Variants in CHTF18 observed in about 807,000 individuals in gnomAD.
CHTF18 encodes the protein chromosome transmission fidelity factor 18.
In CHTF18, 151 loss-of-function variants were observed where a neutral mutation model predicts 113.4. The observed-to-expected ratio is 1.33, with a 90% CI of 1.17 to 1.52. CHTF18 has a LOEUF of 1.52. Ranked by LOEUF, CHTF18 falls within the 40% of genes most tolerant of loss-of-function variation. The probability of loss-of-function intolerance (pLI) is 0.00; values close to 1 mark genes in which losing one functional copy is unlikely to be tolerated. For missense variants in CHTF18, 1,982 were observed against 1,381.6 expected (o/e 1.43, Z -6.89); for synonymous variants, 916 against 598.8 (o/e 1.53, Z -7.74).
intron 18 of CHTF18, chr16:796,516 A>T: frequency 1.6e-6 from 1 of 619,770 alleles, no homozygotes; most frequent in Non-Finnish European, 2.7e-6. Context: ...CATCCCACGT[A>T]CACTTGCAGT....
Position 789,297 on chromosome 16 carries a change from C to T in CHTF18, c.374C>T (p.Ser125Phe), listed in dbSNP as rs201869235. ...ATGGAGGAGCCGCCCCCTCCCGACTCCTCGCCGACGGACATCACCCCGCCG... is the reference window on the plus strand; with the variant it reads ...ATGGAGGAGCCGCCCCCTCCCGACTTCTCGCCGACGGACATCACCCCGCCG... ...EEMEEPPPPD[S>F]SPTDITPPPS... The change falls in exon 3 of 22, where the codon TCC (serine) becomes TTC (phenylalanine). Residue 125 changes from serine to phenylalanine, a missense_variant. Transcript: ENST00000262315. 1.2e-3 allele frequency: 1,991 copies of T among 1,593,476 alleles called. 9 individuals carry two copies. The highest frequency in any genetic ancestry group is 6.2e-3 in the South Asian group (544 of 88,016).
chr16:795,976 A>G lies in CHTF18; in HGVS notation c.2355A>G (p.Glu785=), dbSNP rs372993174. The G allele has an allele frequency of 1.9e-6, 3 of 1,609,566 alleles. No individual in the cohort carries two copies. Among genetic ancestry groups the G allele is most frequent in the African/African-American group, 2.7e-5 (2 of 74,832 alleles). ...PVSTQLYSTR[E]KQQLASLVGT... is the part of the protein sequence containing the mutation. ...GCACACAGCTGTACAGCACCCGTGA[A>G]AAGCAACAGCTGGCCAGCCTGGTGG... The change falls in exon 18 of 22, where the codon GAA becomes GAG. Residue 785 remains glutamate (E), a synonymous_variant. Transcript: ENST00000262315.
chr16:792,526 G>C lies in CHTF18; in HGVS notation c.1414G>C (p.Gly472Arg). 1.3e-6 allele frequency: 2 copies of C among 1,594,312 alleles called. No individual in the cohort carries two copies. The highest frequency in any genetic ancestry group is 1.7e-6 in the Non-Finnish European group (2 of 1,174,122). Residue 472 changes from glycine (G) to arginine (R), a missense_variant, in exon 11 of 22, where the codon GGC becomes CGC. Physicochemically the swap from Gly to Arg is moderately radical, Grantham distance 125. Transcript: ENST00000262315. ...PQGPAVPSGG[G>R]RRRRAEGGLL... ...GGGCCCGGCTGTGCCTTCGGGAGGC[G>C]GCCGACGGCGCCGGGCAGAGGGGGG...
Position 790,686 on chromosome 16 carries a change from C to T in CHTF18, c.894+20C>T, listed in dbSNP as rs748209340. On this transcript the variant is annotated intron_variant, in intron 7 of 21. Transcript: ENST00000262315. ...GATGACGTGAGGTCTTGTTCTCACT[C>T]AAGTGTGGCTGGCTTCCTCTGTTCC... The T allele has an allele frequency of 6.6e-6, 10 of 1,516,500 alleles. No individual in the cohort carries two copies. The African/African-American group carries it at 8.4e-5, about 13-fold the overall frequency. The allele number at this position is 1,516,500 out of a possible 1,614,324, so 93.9% of individuals were successfully genotyped here.
intron 14 of CHTF18, chr16:793,718 C>G (rs116197382): frequency 1.6e-6 from 1 of 639,602 alleles, no homozygotes; most frequent in East Asian, 3.1e-5. Context: ...CTGGCCTGGT[C>G]GTGCTGCAGG....
Position 792,240 on chromosome 16 carries a change from G to C in CHTF18, c.1219G>C (p.Glu407Gln). Reference protein sequence around the residue: ...EMNASDDRSPEVFRTRIEAAT... With the variant: ...EMNASDDRSPQVFRTRIEAAT... ...CCATTGCAGTGACGACCGTAGCCCG[G>C]AGGTCTTCCGCACACGCATCGAGGC... is the stretch of plus-strand genomic sequence containing the variant. Residue 407 changes from glutamate (E) to glutamine (Q), a missense_variant, in exon 10 of 22, where the codon GAG (glutamate) becomes CAG (glutamine). Physicochemically the swap from Glu to Gln is conservative, Grantham distance 29. Coordinates refer to ENST00000262315, the MANE Select transcript of CHTF18 (RefSeq NM_022092.3). 1.9e-6 allele frequency: 3 copies of C among 1,569,074 alleles called. No individual in the cohort carries two copies. The highest frequency in any genetic ancestry group is 2.6e-6 in the Non-Finnish European group (3 of 1,158,190).
Position 796,096 on chromosome 16 carries a change from G to A in CHTF18, c.2456+19G>A. ...TGGAGCCGTGAGTCCCCCAGTGCCTGGGGTGTGCTCCAGGGTCATGCTCCC... is the reference window on the plus strand; with the variant it reads ...TGGAGCCGTGAGTCCCCCAGTGCCTAGGGTGTGCTCCAGGGTCATGCTCCC... On this transcript the variant is annotated intron_variant, in intron 18 of 21. Coordinates refer to ENST00000262315, the MANE Select transcript of CHTF18 (RefSeq NM_022092.3). 1 of 1,592,606 alleles carries A rather than the reference G, an allele frequency of 6.3e-7. No homozygotes were observed.
rs1383856228 is a variant in CHTF18 at position 788,995 on chromosome 16, C to G, written c.156C>G (p.Phe52Leu). ...LFTAGRPPRT[F>L]EEALARGDAA... ...CCGCGGGCCGACCCCCGCGGACGTT[C>G]GAGGAGGCCCTTGCCAGAGGGGACG... The change falls in exon 2 of 22, where the codon TTC (phenylalanine) becomes TTG (leucine). Residue 52 changes from phenylalanine (F) to leucine (L), a missense_variant. Coordinates refer to ENST00000262315, the MANE Select transcript of CHTF18 (RefSeq NM_022092.3). The G allele has an allele frequency of 1.3e-6, 2 of 1,560,416 alleles. No homozygotes were observed. Among genetic ancestry groups the G allele is most frequent in the African/African-American group, 1.4e-5 (1 of 73,086 alleles).
Position 793,016 on chromosome 16 carries a change from C to T in CHTF18, c.1623C>T (p.Leu541=). The change falls in exon 13 of 22, where the codon CTC becomes CTT. Residue 541 remains leucine, a synonymous_variant. Transcript: ENST00000262315. ...CCGACCCAGGGGTGCTGGCCGCCCTCTGTGAGAAAACTGACAATGACATCC... is the reference window on the plus strand; with the variant it reads ...CCGACCCAGGGGTGCTGGCCGCCCTTTGTGAGAAAACTGACAATGACATCC... ...MRADPGVLAA[L]CEKTDNDIRA... The T allele has an allele frequency of 6.5e-7, 1 of 1,545,382 alleles. No homozygotes were observed. The highest frequency in any genetic ancestry group is 8.7e-7 in the Non-Finnish European group (1 of 1,143,058).
At chr16:789,978 C>T (rs13333628) in intron 4 of CHTF18, 199 bp from the exon 5 acceptor site, 17 of 1,535,070 alleles carry the variant, frequency 1.1e-5, no homozygotes, top group East Asian at 9.8e-5. Flanking sequence ...CTCCTTTCTC[C>T]TAAAGCTGCC....
At chr16:796,470 T>C (rs1246139742) in intron 18 of CHTF18, 1 of 582,868 alleles carries the variant, frequency 1.7e-6, no homozygotes, top group Admixed American at 3.3e-5. Context: ...GGACGCTGAG[T>C]CACTCTCCGT....
At position 790,229 on chromosome 16, in the gene CHTF18, G is replaced by A; in HGVS notation, c.659G>A (p.Gly220Asp). 4 of 1,606,700 alleles carry A rather than the reference G, an allele frequency of 2.5e-6. No individual in the cohort carries two copies. Among genetic ancestry groups the A allele is most frequent in the South Asian group, 2.2e-5 (2 of 89,820 alleles). The change falls in exon 5 of 22, where the codon GGT becomes GAT. Residue 220 changes from glycine to aspartate, a missense_variant. Transcript: ENST00000262315. ...GGCGGTGGCCAGCTGGACCTGCTGGGTGTGTCCTTAGCCTCCCTGAAGAAG... is the reference window on the plus strand; with the variant it reads ...GGCGGTGGCCAGCTGGACCTGCTGGATGTGTCCTTAGCCTCCCTGAAGAAG... The part of the protein sequence containing the change: ...WRGGGQLDLL[G>D]VSLASLKKQV...
Position 789,902 on chromosome 16 carries a change from C to T in CHTF18, c.606+187C>T, listed in dbSNP as rs1181905116. ...CAGCCTCCCCACAGCAGGTTGCTGT[C>T]CAGCCTGTTTGTATGGCCTCGGGTG... On this transcript the variant is annotated intron_variant, in intron 4 of 21. Transcript: ENST00000262315. The T allele has an allele frequency of 2.8e-6, 4 of 1,416,880 alleles. No homozygotes were observed. The Admixed American group carries it at 6.0e-5, about 21-fold the overall frequency. 87.8% of individuals were successfully genotyped at this position (1,416,880 alleles called of 1,614,324 possible). A position where few individuals can be genotyped will look rare whatever the true frequency, so the allele number is the denominator to read the frequency against.
chr16:789,256 C>CTTCA lies in CHTF18; in HGVS notation c.334_337dup (p.Arg113IlefsTer26). On this transcript the variant is annotated frameshift_variant, in exon 3 of 22. Transcript: ENST00000262315. LOFTEE classifies it high-confidence loss of function. ...GGCTGCAGGTGGTCAAGAGGCTGAA[C>CTTCA]TTCAGATCGGAGGAGATGGAGGAGC... is the stretch of plus-strand genomic sequence containing the variant. The CTTCA allele has an allele frequency of 6.4e-7, 1 of 1,560,386 alleles. No homozygotes were observed. The highest frequency in any genetic ancestry group is 8.7e-7 in the Non-Finnish European group (1 of 1,153,108).
Position 789,231 on chromosome 16 carries a change from G to A in CHTF18, c.308G>A (p.Arg103Lys), listed in dbSNP as rs1349858153. The change falls in exon 3 of 22, where the codon AGG (arginine) becomes AAG (lysine). Residue 103 changes from arginine to lysine, a missense_variant. By Grantham distance (26) the Arg-to-Lys change is conservative. Coordinates refer to ENST00000262315, the MANE Select transcript of CHTF18 (RefSeq NM_022092.3). Reference sequence around the variant, plus strand: ...CCAGCCCCCAGGATCAAACGGCCTAGGCTGCAGGTGGTCAAGAGGCTGAAC... The same window carrying A: ...CCAGCCCCCAGGATCAAACGGCCTAAGCTGCAGGTGGTCAAGAGGCTGAAC... ...LPHAPRIKRP[R>K]LQVVKRLNFR... The A allele has an allele frequency of 1.3e-6, 2 of 1,553,160 alleles. No individual in the cohort carries two copies. Among genetic ancestry groups the A allele is most frequent in the Non-Finnish European group, 1.7e-6 (2 of 1,148,744 alleles).
In CHTF18 at chr16:798,067, G is replaced by T; in HGVS notation, c.*92G>T. The stretch of plus-strand genomic sequence containing the variant: ...GTCTTTATAAAGTCACACCTTTACA[G>T]ACTGTAATCACGTGCGAGTGGAGTG... On this transcript the variant is annotated 3_prime_UTR_variant, in exon 22 of 22. Transcript: ENST00000262315. The T allele has an allele frequency of 2.7e-6, 4 of 1,490,868 alleles. No individual in the cohort carries two copies. In the South Asian group the frequency reaches 3.8e-5, roughly 14 times the overall value. The allele number at this position is 1,490,868 out of a possible 1,614,324, so 92.4% of individuals were successfully genotyped here. A position where few individuals can be genotyped will look rare whatever the true frequency, so the allele number is the denominator to read the frequency against.
Position 797,884 on chromosome 16 carries a change from C to A in CHTF18, c.2837C>A (p.Thr946Lys). Residue 946 changes from threonine to lysine, a missense_variant, in exon 22 of 22, where the codon ACA becomes AAA. Transcript: ENST00000262315. ...EQDSVERRMG[T>K]AVGRSEVWFR... is the part of the protein sequence containing the mutation. ...GACTCAGTGGAGCGGCGCATGGGCA[C>A]AGCGGTGGGCAGGAGCGAGGTCTGG... is the stretch of plus-strand genomic sequence containing the variant. The A allele has an allele frequency of 6.2e-7, 1 of 1,610,624 alleles. No individual in the cohort carries two copies. Among genetic ancestry groups the A allele is most frequent in the South Asian group, 1.1e-5 (1 of 90,684 alleles).
intron 4 of CHTF18, chr16:789,948 C>CT: frequency 4.0e-6 from 6 of 1,511,860 alleles, no homozygotes; most frequent in Non-Finnish European, 5.3e-6. Context: ...CCTTGCTTCC[C>CT]CTCCTGCTTT....
intron 15 of CHTF18, 139 bp downstream of exon 15, chr16:794,340 G>T: frequency 2.0e-6 from 2 of 1,015,330 alleles, no homozygotes. Context: ...GAAATGGGGT[G>T]CCAGGAAGTC....
Sources: gnomAD v4.1 joint callset for allele counts on GRCh38, gnomAD v4.1.1 for gene constraint, MANE v1.5 for transcripts, NCBI Gene and HGNC (gene_info 2026-07-23, HGNC 2026-07-21) for gene names.